The following CDH9 variants were observed in gnomAD, a reference collection of about 807,000 sequenced individuals.
CDH9 encodes cadherin-9.
Under a neutral mutation model 70.9 loss-of-function variants are expected in CDH9, and 28 were observed. That is an observed-to-expected ratio of 0.40 (90% CI 0.29 to 0.54). The LOEUF is 0.54. Ranked by LOEUF, CDH9 falls within the 20% of genes least tolerant of loss-of-function variation. CDH9 has a pLI of 0.59. For synonymous variants in CDH9, 409 were observed against 343.1 expected, an observed-to-expected ratio of 1.19 and a Z score of -2.12; for missense variants, 874 against 984.4, an observed-to-expected ratio of 0.89 and a Z score of 1.50.
At chr5:27,018,726 G>C (rs1421801769) in intron 1 of CDH9, among the ~76,000 whole-genome samples, 1 of 151,838 alleles carries the variant, frequency 6.6e-6, no homozygotes, top group African/African-American at 2.4e-5. Context: ...GAGAAGGTTT[G>C]AGTATTTTGG....
At chr5:26,940,767 A>G (rs899322147) in intron 2 of CDH9, among the ~76,000 whole-genome samples, 4 of 152,240 alleles carry the variant, frequency 2.6e-5, no homozygotes, top group Non-Finnish European at 5.9e-5. Context: ...ATTGATTTTG[A>G]AAAACGAGGT....
At chr5:26,917,663 G>A (rs1561194453) in intron 2 of CDH9, among the ~76,000 whole-genome samples, 1 of 151,990 alleles carries the variant, frequency 6.6e-6, no homozygotes, top group Non-Finnish European at 1.5e-5. Context: ...TCCCATCTCT[G>A]AAATATCTTC....
chr5:27,025,455 C>A (rs536976647), intron 1 of CDH9, among the ~76,000 whole-genome samples: 1 of 151,976 alleles, frequency 6.6e-6, no homozygotes, highest in East Asian at 1.9e-4. Flanking sequence ...TACTTTAGTA[C>A]AATTAACTCA....
chr5:26,964,194 TACAC>T (rs144078842), intron 2 of CDH9, among the ~76,000 whole-genome samples: 2 of 149,936 alleles, frequency 1.3e-5, no homozygotes, highest in Admixed American at 6.7e-5. Flanking sequence ...TGCTGATTAA[TACAC>T]ACACACACAC....
At chr5:26,973,096 T>G (rs1310426723) in intron 2 of CDH9, among the ~76,000 whole-genome samples, 2 of 152,096 alleles carry the variant, frequency 1.3e-5, no homozygotes, top group African/African-American at 4.8e-5. Context: ...ACTCCTGACC[T>G]CGTGATCTGC....
intron 2 of CDH9, among the ~76,000 whole-genome samples, chr5:26,966,103 T>C (rs1174939858): frequency 6.6e-6 from 1 of 152,180 alleles, no homozygotes; most frequent in Non-Finnish European, 1.5e-5. Context: ...GTCATTGCTA[T>C]TGAGGGAAAG....
intron 2 of CDH9, among the ~76,000 whole-genome samples, chr5:26,959,915 G>A (rs185832112): frequency 2.0e-5 from 3 of 152,034 alleles, no homozygotes; most frequent in Admixed American, 2.0e-4. Context: ...TTCTTTTGGG[G>A]TGATGAAAAT....
At chr5:27,034,423 C>T (rs927780517) in intron 1 of CDH9, among the ~76,000 whole-genome samples, 6 of 151,584 alleles carry the variant, frequency 4.0e-5, no homozygotes, top group Non-Finnish European at 8.8e-5. Flanking sequence ...TACAAGAATG[C>T]TTATTTCTCC....
At chr5:26,988,889 T>C (rs1742534451) in intron 1 of CDH9, among the ~76,000 whole-genome samples, 2 of 152,052 alleles carry the variant, frequency 1.3e-5, no homozygotes. Flanking sequence ...ATTGAAATGT[T>C]GCCTCAAGGC....
intron 2 of CDH9, among the ~76,000 whole-genome samples, chr5:26,973,504 ATGT>A (rs1327401614): frequency 5.3e-5 from 8 of 151,942 alleles, no homozygotes; most frequent in Non-Finnish European, 1.0e-4. Flanking sequence ...TTAATAACTG[ATGT>A]TGTTACTTGA....
At chr5:26,893,358 T>C (rs960459754) in intron 7 of CDH9, among the ~76,000 whole-genome samples, 1 of 152,208 alleles carries the variant, frequency 6.6e-6, no homozygotes, top group African/African-American at 2.4e-5. Context: ...TAAAAACTTA[T>C]ATACTTGGTC....
At chr5:27,017,147 T>C (rs1007545761) in intron 1 of CDH9, among the ~76,000 whole-genome samples, 13 of 152,020 alleles carry the variant, frequency 8.6e-5, no homozygotes, top group Middle Eastern at 3.4e-3. Context: ...CAAAAAATAT[T>C]ATTTCATTCT....
intron 11 of CDH9, among the ~76,000 whole-genome samples, chr5:26,883,274 A>G (rs1165619685): frequency 1.3e-5 from 2 of 151,370 alleles, no homozygotes; most frequent in Non-Finnish European, 3.0e-5. Flanking sequence ...TCAGTAAAAT[A>G]ACAATTGTGT....
At chr5:26,975,242 C>A (rs1742285558) in intron 2 of CDH9, among the ~76,000 whole-genome samples, 1 of 152,096 alleles carries the variant, frequency 6.6e-6, no homozygotes, top group Non-Finnish European at 1.5e-5. Flanking sequence ...CCGGAAGTGA[C>A]TAGAAAATAT....
At chr5:26,982,075 G>A (rs1742409216) in intron 2 of CDH9, among the ~76,000 whole-genome samples, 2 of 151,832 alleles carry the variant, frequency 1.3e-5, no homozygotes, top group South Asian at 4.2e-4. Flanking sequence ...CCTTCCTGAT[G>A]AGTATATAAA....
At chr5:26,953,130 T>C (rs1412509280) in intron 2 of CDH9, among the ~76,000 whole-genome samples, 1 of 152,098 alleles carries the variant, frequency 6.6e-6, no homozygotes, top group African/African-American at 2.4e-5. Flanking sequence ...TTCTCTATCT[T>C]GTATTGTAAA....
At chr5:26,909,895 G>A (rs1297450984) in intron 3 of CDH9, among the ~76,000 whole-genome samples, 1 of 151,378 alleles carries the variant, frequency 6.6e-6, no homozygotes. Flanking sequence ...AAAGATTTTG[G>A]GGAACCAAAA....
chr5:26,927,555 A>G (rs975034208), intron 2 of CDH9, among the ~76,000 whole-genome samples: 3 of 152,026 alleles, frequency 2.0e-5, no homozygotes, highest in African/African-American at 7.2e-5. Flanking sequence ...GTCATTAGCA[A>G]CTTCTATGTA....
chr5:26,976,126 G>A (rs1742299413), intron 2 of CDH9, among the ~76,000 whole-genome samples: 1 of 152,186 alleles, frequency 6.6e-6, no homozygotes, highest in Non-Finnish European at 1.5e-5. Flanking sequence ...AGAAATTGGA[G>A]TTCAATCCTC....
Sources: gnomAD v4.1 joint callset for allele counts (sites outside exome capture counted in the v4.1 genomes callset) on GRCh38, gnomAD v4.1.1 for gene constraint, MANE v1.5 for transcripts, NCBI Gene and HGNC (gene_info 2026-07-23, HGNC 2026-07-21) for gene names.